GPA33: variants seen among roughly 807,000 people sequenced by gnomAD.
GPA33 encodes glycoprotein A33, also known as cell surface A33 antigen.
A neutral mutation model predicts 35.6 loss-of-function variants in GPA33; 27 were observed. The observed-to-expected ratio is 0.76, with a 90% CI of 0.56 to 1.04. The LOEUF is 1.04. Among genes scored for constraint, GPA33 ranks in the 50% least tolerant of loss-of-function variants. GPA33 has a pLI of 0.00. For synonymous variants in GPA33, 176 were observed against 164.0 expected, an observed-to-expected ratio of 1.07 and a Z score of -0.56; for missense variants, 428 against 411.9, an observed-to-expected ratio of 1.04 and a Z score of -0.34.
rs369125005 is a variant in GPA33 at position 167,063,728 on chromosome 1, G to A, written c.425C>T (p.Ser142Phe). 2.5e-6 allele frequency: 4 copies of A among 1,612,914 alleles called. No homozygotes were observed. Among genetic ancestry groups the A allele is most frequent in the Non-Finnish European group, 3.4e-6 (4 of 1,179,962 alleles). The change falls in exon 4 of 7, where the codon TCC becomes TTC. Residue 142 changes from serine (S) to phenylalanine (F), a missense_variant. Transcript: ENST00000367868. ...RVRLLVLVPPSKPECGIEGET... is the reference protein window; with the variant it reads ...RVRLLVLVPPFKPECGIEGET... Reference sequence around the variant, plus strand: ...TCCCTCGATGCCGCATTCTGGTTTGGAGGGTGGCACTATATAGAGGAGAGA... The same window carrying A: ...TCCCTCGATGCCGCATTCTGGTTTGAAGGGTGGCACTATATAGAGGAGAGA...
chr1:167,078,375 C>T (rs945760528), intron 1 of GPA33, among the ~76,000 whole-genome samples: 3 of 152,186 alleles, frequency 2.0e-5, no homozygotes, highest in African/African-American at 7.2e-5. Flanking sequence ...TAGAAGAGAA[C>T]TCAGTGTGAC....
At chr1:167,056,673 GATGTGTCT>G (rs1571302062) in intron 4 of GPA33, among the ~76,000 whole-genome samples, 502 of 16,958 alleles carry the variant, frequency 0.03, no homozygotes, top group East Asian at 0.034. Flanking sequence ...GTGAGTGTGT[GATGTGTCT>G]GGTGTGTGGT....
At chr1:167,083,159 G>T (rs187571891) in intron 1 of GPA33, among the ~76,000 whole-genome samples, 594 of 152,348 alleles carry the variant, frequency 3.9e-3, no homozygotes, top group Non-Finnish European at 5.7e-3. Flanking sequence ...TAAAATGCAG[G>T]TGATGTCTGA....
At chr1:167,090,214 T>A in intron 1 of GPA33, 31 bp downstream of exon 1, 8 of 1,566,236 alleles carry the variant, frequency 5.1e-6, no homozygotes, top group Non-Finnish European at 7.0e-6. Flanking sequence ...CACCCACCCC[T>A]GGGCACTGGA....
At chr1:167,087,527 G>C (rs1667077130) in intron 1 of GPA33, among the ~76,000 whole-genome samples, 1 of 152,160 alleles carries the variant, frequency 6.6e-6, no homozygotes, top group African/African-American at 2.4e-5. Flanking sequence ...TGGTCCCCTG[G>C]GATGGCAGTG....
At position 167,075,043 on chromosome 1, in the gene GPA33, A is replaced by G. The variant is rs138166292; in HGVS notation, c.44-1504T>C. ...CAGCCTCCCGAGTAGCTGGGATTAC[A>G]GGCATGCACCACCACGCCCAGCTAA... On this transcript the variant is annotated intron_variant, in intron 1 of 6. Transcript: ENST00000367868. Among the ~76,000 whole-genome samples, 783 of 151,492 alleles carry G rather than the reference A, an allele frequency of 5.2e-3. 2 individuals carry two copies. The highest frequency in any genetic ancestry group is 8.2e-3 in the Non-Finnish European group (557 of 67,952).
intron 1 of GPA33, among the ~76,000 whole-genome samples, chr1:167,084,825 A>G (rs1265632110): frequency 6.6e-6 from 1 of 152,244 alleles, no homozygotes; most frequent in East Asian, 1.9e-4. Flanking sequence ...AGAGGAAAAT[A>G]AATGATTATT....
chr1:167,055,625 G>A, intron 5 of GPA33, 105 bp downstream of exon 5: 6 of 1,290,820 alleles, frequency 4.6e-6, no homozygotes, highest in Non-Finnish European at 4.4e-6. Context: ...CGTGGCCCTA[G>A]AGAGGTTCCC....
At chr1:167,085,446 A>G (rs926651235) in intron 1 of GPA33, among the ~76,000 whole-genome samples, 2 of 152,234 alleles carry the variant, frequency 1.3e-5, no homozygotes, top group Non-Finnish European at 2.9e-5. Context: ...CACAATAGGC[A>G]GCATGGTTGT....
intron 4 of GPA33, among the ~76,000 whole-genome samples, chr1:167,063,332 C>G (rs1571307726): frequency 6.6e-6 from 1 of 152,286 alleles, no homozygotes; most frequent in South Asian, 2.1e-4. Flanking sequence ...TCGCTTGAAC[C>G]TGGGAGGAGG....
At chr1:167,080,356 A>G (rs1424018154) in intron 1 of GPA33, among the ~76,000 whole-genome samples, 3 of 152,236 alleles carry the variant, frequency 2.0e-5, no homozygotes, top group South Asian at 4.1e-4. Flanking sequence ...GGAAGGAATC[A>G]TAACAATCTC....
intron 2 of GPA33, among the ~76,000 whole-genome samples, 154 bp from the exon 3 acceptor site, chr1:167,069,292 A>G (rs142978998): frequency 1.6e-4 from 24 of 152,114 alleles, no homozygotes; most frequent in Non-Finnish European, 2.2e-4. Context: ...TGTGCTACCC[A>G]TTTGTGGATT....
At chr1:167,078,874 GAAATGGGTACTTTGTTTAGAATAGTTCC>G (rs1666873380) in intron 1 of GPA33, among the ~76,000 whole-genome samples, 1 of 152,200 alleles carries the variant, frequency 6.6e-6, no homozygotes, top group African/African-American at 2.4e-5. Flanking sequence ...TAAGTGACAT[GAAATGGGTACTTTGTTTAGAATAGTTCC>G]TAACTCATAA....
At chr1:167,059,551 C>A (rs772705638) in intron 4 of GPA33, among the ~76,000 whole-genome samples, 1 of 151,994 alleles carries the variant, frequency 6.6e-6, no homozygotes, top group African/African-American at 2.4e-5. Flanking sequence ...AGGGCCCTCA[C>A]GATCCTCCTT....
intron 2 of GPA33, among the ~76,000 whole-genome samples, chr1:167,072,070 C>G (rs908122044): frequency 6.6e-6 from 1 of 152,286 alleles, no homozygotes; most frequent in East Asian, 1.9e-4. Context: ...ACTCTGGGAG[C>G]AGTCGGGACA....
At position 167,069,015 on chromosome 1, in the gene GPA33, T is replaced by A; in HGVS notation, c.322A>T (p.Thr108Ser). ...SDASITIDQL[T>S]MADNGTYECS... ...TCGTAGGTGCCGTTGTCAGCCATGG[T>A]CAGCTGATCAATGGTGATGGAGGCA... The change falls in exon 3 of 7, where the codon ACC becomes TCC. Residue 108 changes from threonine (T) to serine (S), a missense_variant. Physicochemically the swap from Thr to Ser is moderately conservative, Grantham distance 58. Coordinates refer to ENST00000367868, the MANE Select transcript of GPA33 (RefSeq NM_005814.3). 4 of 1,613,956 alleles carry A rather than the reference T, an allele frequency of 2.5e-6. No individual in the cohort carries two copies. The highest frequency in any genetic ancestry group is 3.4e-6 in the Non-Finnish European group (4 of 1,179,840).
At chr1:167,063,858 C>A in intron 3 of GPA33, 121 bp from the exon 4 acceptor site, 1 of 653,662 alleles carries the variant, frequency 1.5e-6, no homozygotes, top group South Asian at 2.0e-5. Flanking sequence ...AGGCAGAAAA[C>A]TCCATAGTTG....
At chr1:167,086,287 G>A (rs1667045822) in intron 1 of GPA33, among the ~76,000 whole-genome samples, 1 of 152,228 alleles carries the variant, frequency 6.6e-6, no homozygotes, top group Admixed American at 6.5e-5. Flanking sequence ...CAGGACCCAG[G>A]GCCACAGAGC....
chr1:167,073,506 G>C lies in GPA33; in HGVS notation c.77C>G (p.Thr26Ser), dbSNP rs775623718. 1.2e-6 allele frequency: 2 copies of C among 1,613,726 alleles called. No individual in the cohort carries two copies. The highest frequency in any genetic ancestry group is 3.3e-5 in the Admixed American group (2 of 60,010). Reference protein sequence around the residue: ...RVTVDAISVETPQDVLRASQG... With the variant: ...RVTVDAISVESPQDVLRASQG... ...CGAAGCCCGAAGAACGTCCTGCGGAGTTTCCACAGAGATGGCATCGACGGT... is the reference window on the plus strand; with the variant it reads ...CGAAGCCCGAAGAACGTCCTGCGGACTTTCCACAGAGATGGCATCGACGGT... The change falls in exon 2 of 7, where the codon ACT becomes AGT. Residue 26 changes from threonine (T) to serine (S), a missense_variant. Coordinates refer to ENST00000367868, the MANE Select transcript of GPA33 (RefSeq NM_005814.3).
Sources: gnomAD v4.1 joint callset for allele counts (sites outside exome capture counted in the v4.1 genomes callset) on GRCh38, gnomAD v4.1.1 for gene constraint, MANE v1.5 for transcripts, NCBI Gene and HGNC (gene_info 2026-07-23, HGNC 2026-07-21) for gene names.